MAP4: variants seen among roughly 807,000 people sequenced by gnomAD.
MAP4 encodes the protein microtubule associated protein 4.
Under a neutral mutation model 170.2 loss-of-function variants are expected in MAP4, and 76 were observed. That is an observed-to-expected ratio of 0.45 (90% CI 0.37 to 0.54). MAP4 has a LOEUF of 0.54. MAP4 is among the 20% of genes least tolerant of loss of function. The pLI is 0.00. For synonymous variants in MAP4, 909 were observed against 994.5 expected (o/e 0.91, Z 1.62); for missense variants, 2,506 against 2,748.0 (o/e 0.91, Z 1.97).
chr3:48,026,456 G>T (rs1019471787), intron 1 of MAP4, among the ~76,000 whole-genome samples: 4 of 152,190 alleles, frequency 2.6e-5, no homozygotes, highest in African/African-American at 7.2e-5. Context: ...ACATCAAGAT[G>T]CTTTATTCTG....
intron 2 of MAP4, chr3:47,987,326 A>T: frequency 7.9e-7 from 1 of 1,272,392 alleles, no homozygotes; most frequent in African/African-American, 1.5e-5. Flanking sequence ...TAGCTTAATT[A>T]TGATCTTACA....
At chr3:47,908,410 T>C (rs1052523999) in intron 9 of MAP4, among the ~76,000 whole-genome samples, 1 of 152,112 alleles carries the variant, frequency 6.6e-6, no homozygotes, top group African/African-American at 2.4e-5. Flanking sequence ...TGTGGGGCAA[T>C]GGATATAAGC....
At chr3:47,902,736 G>T (rs984124205) in intron 10 of MAP4, among the ~76,000 whole-genome samples, 1 of 147,348 alleles carries the variant, frequency 6.8e-6, no homozygotes. Context: ...TGGGGTGAGA[G>T]TAATGAGGAA....
chr3:47,955,775 G>A (rs1245286752), intron 3 of MAP4, among the ~76,000 whole-genome samples: 1 of 152,192 alleles, frequency 6.6e-6, no homozygotes, highest in Non-Finnish European at 1.5e-5. Flanking sequence ...TGACAGTTTA[G>A]AGTGGGTTTC....
At chr3:47,957,449 G>A (rs1293933933) in intron 3 of MAP4, among the ~76,000 whole-genome samples, 2 of 152,124 alleles carry the variant, frequency 1.3e-5, no homozygotes, top group Non-Finnish European at 2.9e-5. Flanking sequence ...GGGATTACAG[G>A]TGTGAGCCAC....
chr3:47,949,016 C>T (rs1283148991), intron 3 of MAP4, among the ~76,000 whole-genome samples: 2 of 152,170 alleles, frequency 1.3e-5, no homozygotes, highest in African/African-American at 4.8e-5. Context: ...CTAGGTCAAA[C>T]TGCAGTTTTT....
chr3:47,893,414 G>C (rs1177084543), intron 10 of MAP4, among the ~76,000 whole-genome samples: 1 of 152,106 alleles, frequency 6.6e-6, no homozygotes, highest in Non-Finnish European at 1.5e-5. Flanking sequence ...GAACACACTG[G>C]GGGCAGTGCA....
intron 3 of MAP4, among the ~76,000 whole-genome samples, chr3:47,938,299 T>C (rs190834171): frequency 1.4e-4 from 21 of 151,630 alleles, no homozygotes; most frequent in Admixed American, 1.4e-3. Context: ...ACCTGGGAGG[T>C]GGAGGTTGCA....
intron 15 of MAP4, among the ~76,000 whole-genome samples, chr3:47,869,706 C>G (rs1006586034): frequency 1.3e-5 from 2 of 152,120 alleles, no homozygotes; most frequent in Admixed American, 1.3e-4. Context: ...CCCCAAGCAG[C>G]TGCCACGGTC....
chr3:47,901,476 G>A (rs1021515181), intron 10 of MAP4, among the ~76,000 whole-genome samples: 7 of 152,126 alleles, frequency 4.6e-5, no homozygotes, highest in Non-Finnish European at 1.0e-4. Flanking sequence ...AGGAGTTCAA[G>A]ACTAGGTTGT....
At chr3:48,047,093 C>A (rs2100125003) in intron 1 of MAP4, among the ~76,000 whole-genome samples, 1 of 74,406 alleles carries the variant, frequency 1.3e-5, no homozygotes. Flanking sequence ...GACTCCGTCT[C>A]AAAAATAAAT....
intron 1 of MAP4, among the ~76,000 whole-genome samples, chr3:48,058,084 T>C (rs1412096024): frequency 2.6e-5 from 4 of 152,176 alleles, no homozygotes; most frequent in African/African-American, 9.7e-5. Flanking sequence ...TTCAAAAATA[T>C]AAGATGCTTA....
At chr3:47,995,571 A>G (rs1036543324) in intron 2 of MAP4, among the ~76,000 whole-genome samples, 6 of 152,054 alleles carry the variant, frequency 3.9e-5, no homozygotes, top group Non-Finnish European at 8.8e-5. Context: ...ATTTATATGG[A>G]TATAATTAGA....
intron 2 of MAP4, among the ~76,000 whole-genome samples, chr3:47,992,090 G>T (rs1245505123): frequency 6.6e-6 from 1 of 152,050 alleles, no homozygotes; most frequent in Non-Finnish European, 1.5e-5. Context: ...GAAGTCTAGG[G>T]CCCTTCCATC....
chr3:47,862,124 G>A (rs1376468193), intron 17 of MAP4, among the ~76,000 whole-genome samples: 2 of 140,122 alleles, frequency 1.4e-5, no homozygotes, highest in African/African-American at 5.4e-5. Context: ...TCGCGCCACT[G>A]CACTCCAGTC....
chr3:47,890,175 G>C (rs1376872250), intron 10 of MAP4, among the ~76,000 whole-genome samples: 3 of 152,062 alleles, frequency 2.0e-5, no homozygotes, highest in Non-Finnish European at 4.4e-5. Flanking sequence ...ACTGGACTCG[G>C]AGAAACACAA....
chr3:47,970,679 C>T (rs766348594), intron 3 of MAP4, among the ~76,000 whole-genome samples: 3 of 151,682 alleles, frequency 2.0e-5, no homozygotes, highest in East Asian at 1.9e-4. Flanking sequence ...GGCATGGTGG[C>T]GGGCACCTGT....
chr3:47,877,444 G>C lies in MAP4; in HGVS notation c.5514C>G (p.Leu1838=). 1 of 1,614,060 alleles carries C rather than the reference G, an allele frequency of 6.2e-7. No homozygotes were observed. Among genetic ancestry groups the C allele is most frequent in the South Asian group, 1.1e-5 (1 of 91,072 alleles). The change falls in exon 11 of 21, where the codon CTC becomes CTG. Residue 1838 remains leucine, a synonymous_variant. Coordinates refer to ENST00000683076, the MANE Select transcript of MAP4 (RefSeq NM_001385682.1). ...TTGTTTTCTTCTCTGGGCTTGGTGG[G>C]AGCTCCTTGTTCGGTGGGGTGGTGA... ...NDITTPPNKE[L]PPSPEKKTKP...
chr3:47,881,400 TATGATCAGGCCACTGCACTCC>T (rs2096676947), intron 10 of MAP4, among the ~76,000 whole-genome samples: 1 of 136,642 alleles, frequency 7.3e-6, no homozygotes, highest in Non-Finnish European at 1.6e-5. Context: ...TGCTGTGAGC[TATGATCAGGCCACTGCACTCC>T]AGCCTGGGCA....
Sources: allele counts gnomAD v4.1 joint callset (sites outside exome capture counted in the v4.1 genomes callset), GRCh38; gene constraint gnomAD v4.1.1; transcripts MANE v1.5; gene names NCBI Gene and HGNC (gene_info 2026-07-23, HGNC 2026-07-21).